The following HMGB1 variants were observed in gnomAD, a reference collection of about 807,000 sequenced individuals.
HMGB1 encodes the protein high mobility group protein B1.
For missense variants in HMGB1, 79 were observed against 253.5 expected, an observed-to-expected ratio of 0.31 and a Z score of 4.67; for synonymous variants, 81 against 84.0, an observed-to-expected ratio of 0.96 and a Z score of 0.19.
intron 1 of HMGB1, among the ~76,000 whole-genome samples, chr13:30,481,318 G>C (rs1887223073): frequency 6.6e-6 from 1 of 151,618 alleles, no homozygotes; most frequent in African/African-American, 2.4e-5. Context: ...AACAGAAAAA[G>C]AGAATGCCAA....
At chr13:30,576,837 C>A (rs1317438362) in intron 1 of HMGB1, among the ~76,000 whole-genome samples, 1 of 152,102 alleles carries the variant, frequency 6.6e-6, no homozygotes, top group Non-Finnish European at 1.5e-5. Flanking sequence ...CACCTCACTC[C>A]CCACATCAAA....
chr13:30,495,222 C>A (rs1887583032), intron 1 of HMGB1, among the ~76,000 whole-genome samples: 1 of 152,156 alleles, frequency 6.6e-6, no homozygotes, highest in Admixed American at 6.5e-5. Context: ...AGCTTGCCAC[C>A]AGTATCGTTT....
chr13:30,525,160 A>G (rs1468579945), intron 1 of HMGB1, among the ~76,000 whole-genome samples: 2 of 152,186 alleles, frequency 1.3e-5, no homozygotes, highest in Non-Finnish European at 2.9e-5. Flanking sequence ...AACCTCAGAG[A>G]GTAGGTGGAA....
chr13:30,579,527 T>C (rs749768662), intron 1 of HMGB1, among the ~76,000 whole-genome samples: 6 of 152,212 alleles, frequency 3.9e-5, no homozygotes, highest in Non-Finnish European at 8.8e-5. Context: ...GGAGATTAAA[T>C]GAGATGTGAA....
chr13:30,583,761 C>T (rs756374642), intron 1 of HMGB1, among the ~76,000 whole-genome samples: 3 of 150,114 alleles, frequency 2.0e-5, no homozygotes, highest in Non-Finnish European at 4.4e-5. Context: ...ATTGCTTGAA[C>T]CCGGGAGGCG....
chr13:30,480,350 A>C (rs1049047247), intron 1 of HMGB1, among the ~76,000 whole-genome samples: 1 of 152,242 alleles, frequency 6.6e-6, no homozygotes, highest in African/African-American at 2.4e-5. Flanking sequence ...CTTTGACAAC[A>C]AAATGTGTAT....
At position 30,559,285 on chromosome 13, in the gene HMGB1, C is replaced by A. The variant is rs2137522569; in HGVS notation, c.-15+57386G>T. On this transcript the variant is annotated intron_variant, in intron 1 of 4. Transcript: ENST00000405805. The surrounding 1 kb of genome is among the most constrained non-coding windows in gnomAD (Gnocchi z 6.6). ...TGTGCTTCTAGAGTGGCTAGGGAAG[C>A]ACACTATGGGACAACCTTTCCTCAC... 6.6e-6 allele frequency among the ~76,000 whole-genome samples: 1 copy of A among 152,238 alleles called. No individual in the cohort carries two copies. The highest frequency in any genetic ancestry group is 1.5e-5 in the Non-Finnish European group (1 of 68,018).
At chr13:30,502,965 C>T (rs573378712) in intron 1 of HMGB1, among the ~76,000 whole-genome samples, 6 of 152,184 alleles carry the variant, frequency 3.9e-5, no homozygotes, top group East Asian at 1.9e-4. Context: ...CCATGGCGTC[C>T]GGCCTTAGTC....
intron 1 of HMGB1, among the ~76,000 whole-genome samples, chr13:30,475,030 T>G (rs61949686): frequency 0.31 from 21,465 of 68,834 alleles, 3,865 homozygotes; most frequent in East Asian, 0.47. Context: ...ACCTCAGCTC[T>G]CTCTCTCTCT....
chr13:30,465,966 T>C (rs897733844), upstream of HMGB1: 2 of 985,848 alleles, frequency 2.0e-6, no homozygotes, highest in Middle Eastern at 5.2e-4. Context: ...TCCTATTGGC[T>C]ACCGCCAACT....
chr13:30,533,393 C>G (rs1888540451), intron 1 of HMGB1, among the ~76,000 whole-genome samples: 1 of 152,194 alleles, frequency 6.6e-6, no homozygotes, highest in East Asian at 1.9e-4. Context: ...GAGACAGAGT[C>G]TCACTCTGTC....
chr13:30,480,140 G>A (rs575452614), intron 1 of HMGB1, among the ~76,000 whole-genome samples: 17 of 152,136 alleles, frequency 1.1e-4, no homozygotes, highest in Non-Finnish European at 2.1e-4. Context: ...AGATGCTTTC[G>A]GAAGTTAAAG....
At chr13:30,553,442 T>G (rs528080116) in intron 1 of HMGB1, among the ~76,000 whole-genome samples, 1 of 152,212 alleles carries the variant, frequency 6.6e-6, no homozygotes, top group Non-Finnish European at 1.5e-5. Context: ...ATTTAACTTC[T>G]CTCAGCCTCA....
intron 1 of HMGB1, among the ~76,000 whole-genome samples, chr13:30,554,863 C>T (rs4769848): frequency 0.71 from 108,159 of 151,724 alleles, 38,985 homozygotes; most frequent in Middle Eastern, 0.79. Context: ...TTTTGAACCA[C>T]TGATGTGCAA....
rs968854056 is a variant in HMGB1 at position 30,496,618 on chromosome 13, T to A, written c.-14-32924A>T. ...GCCTTTCTCTAGGCAGCTAAAAATC[T>A]AAGCCATCAAAGGGGGAGATTCTTT... On this transcript the variant is annotated intron_variant, in intron 1 of 4. Transcript: ENST00000405805. Among the ~76,000 whole-genome samples, 4 of 152,318 alleles carry A rather than the reference T, an allele frequency of 2.6e-5. No homozygotes were observed. In the East Asian group the frequency reaches 7.7e-4, roughly 29 times the overall value.
At chr13:30,580,679 C>T (rs183686407) in intron 1 of HMGB1, among the ~76,000 whole-genome samples, 204 of 152,152 alleles carry the variant, frequency 1.3e-3, no homozygotes, top group African/African-American at 4.7e-3. Flanking sequence ...GAAGGATATT[C>T]GCAGGAGACA....
intron 4 of HMGB1, chr13:30,461,765 CAA>C (rs1298397662): frequency 5.9e-6 from 6 of 1,016,812 alleles, no homozygotes; most frequent in Non-Finnish European, 7.3e-6. Flanking sequence ...CTAATATTTG[CAA>C]AGTTATGCCT....
chr13:30,549,252 C>T (rs1461896055), intron 1 of HMGB1, among the ~76,000 whole-genome samples: 1 of 152,116 alleles, frequency 6.6e-6, no homozygotes, highest in African/African-American at 2.4e-5. Flanking sequence ...CACTGAACTC[C>T]AGCCTAGGTG....
At chr13:30,491,904 T>C (rs142813302) in intron 1 of HMGB1, among the ~76,000 whole-genome samples, 3,038 of 152,148 alleles carry the variant, frequency 0.02, 32 homozygotes, top group Middle Eastern at 0.041. Context: ...TGCGGTGGCT[T>C]ACGCCTGTAA....
Sources: gnomAD v4.1 joint callset for allele counts (sites outside exome capture counted in the v4.1 genomes callset) on GRCh38, gnomAD v4.1.1 for gene constraint, Gnocchi (gnomAD v3.1) non-coding constraint, MANE v1.5 for transcripts, NCBI Gene and HGNC (gene_info 2026-07-23, HGNC 2026-07-21) for gene names.